Variants in DENND1A observed in about 807,000 individuals in gnomAD.
DENND1A encodes the protein DENN domain-containing protein 1A.
In DENND1A, 51 loss-of-function variants were observed where a neutral mutation model predicts 113.7. The ratio of observed to expected loss-of-function variants is 0.45; its 90% confidence interval spans 0.36 to 0.57. The LOEUF is 0.57. DENND1A is among the 20% of genes least tolerant of loss of function. DENND1A has a pLI of 0.00. For missense variants in DENND1A, 1,258 were observed against 1,395.9 expected (o/e 0.90, Z 1.57); for synonymous variants, 565 against 570.8 (o/e 0.99, Z 0.14).
chr9:123,818,348 C>T (rs895221273), intron 2 of DENND1A, among the ~76,000 whole-genome samples: 2 of 152,048 alleles, frequency 1.3e-5, no homozygotes, highest in Non-Finnish European at 2.9e-5. Flanking sequence ...TTATGATCCG[C>T]CCGCCTAGGC....
At chr9:123,723,146 T>G (rs2067459383) in intron 5 of DENND1A, among the ~76,000 whole-genome samples, 1 of 152,232 alleles carries the variant, frequency 6.6e-6, no homozygotes. Context: ...TTTGGAACTT[T>G]AGGATTTGAC....
At chr9:123,393,431 G>C (rs1057345035) in intron 21 of DENND1A, among the ~76,000 whole-genome samples, 3 of 152,014 alleles carry the variant, frequency 2.0e-5, no homozygotes, top group African/African-American at 7.3e-5. Flanking sequence ...CACAGCAAAG[G>C]AATCTCTGAA....
intron 1 of DENND1A, among the ~76,000 whole-genome samples, chr9:123,887,264 G>A (rs1470883984): frequency 6.6e-6 from 1 of 152,140 alleles, no homozygotes; most frequent in Non-Finnish European, 1.5e-5. Flanking sequence ...TGAGGTAGAC[G>A]TTCATGCTGG....
At chr9:123,699,368 AT>A (rs1166196254) in intron 5 of DENND1A, among the ~76,000 whole-genome samples, 2 of 152,236 alleles carry the variant, frequency 1.3e-5, no homozygotes, top group African/African-American at 4.8e-5. Flanking sequence ...AAATTTAAAA[AT>A]ATATACATTT....
intron 4 of DENND1A, among the ~76,000 whole-genome samples, chr9:123,762,225 A>G (rs1361227611): frequency 1.3e-5 from 2 of 152,204 alleles, no homozygotes; most frequent in East Asian, 3.8e-4. Context: ...ATTTTTCACT[A>G]AGCTAGGGAG....
chr9:123,586,320 G>A (rs10986063), intron 11 of DENND1A, among the ~76,000 whole-genome samples: 9,353 of 152,220 alleles, frequency 0.061, 417 homozygotes, highest in African/African-American at 0.11. Flanking sequence ...TTGGGCCCCA[G>A]TGGCACAGAC....
intron 4 of DENND1A, 120 bp from the exon 5 acceptor site, chr9:123,757,942 T>G: frequency 1.6e-6 from 2 of 1,266,442 alleles, no homozygotes; most frequent in Non-Finnish European, 2.1e-6. Flanking sequence ...CTCTTAAAAT[T>G]TACACATTTC....
chr9:123,928,318 G>A (rs1857443195), intron 1 of DENND1A, among the ~76,000 whole-genome samples: 1 of 152,180 alleles, frequency 6.6e-6, no homozygotes, highest in Non-Finnish European at 1.5e-5. Context: ...GAACTTTTCT[G>A]TAACAAGAAG....
At chr9:123,835,661 A>G (rs78092749) in intron 2 of DENND1A, among the ~76,000 whole-genome samples, 6 of 126,012 alleles carry the variant, frequency 4.8e-5, no homozygotes, top group African/African-American at 1.8e-4. Context: ...GATTTCCAGG[A>G]AAAAAAAAAA....
chr9:123,450,340 G>C (rs1341109686), intron 18 of DENND1A, among the ~76,000 whole-genome samples: 1 of 152,206 alleles, frequency 6.6e-6, no homozygotes, highest in East Asian at 1.9e-4. Flanking sequence ...ACCGGCCCTG[G>C]GGCAGAGGTC....
At chr9:123,883,893 A>C (rs1418548787) in intron 1 of DENND1A, among the ~76,000 whole-genome samples, 1 of 151,944 alleles carries the variant, frequency 6.6e-6, no homozygotes, top group Non-Finnish European at 1.5e-5. Flanking sequence ...AAAAGAGCTA[A>C]AATGCTAAGA....
At chr9:123,681,947 C>T (rs904864865) in intron 5 of DENND1A, among the ~76,000 whole-genome samples, 1 of 151,262 alleles carries the variant, frequency 6.6e-6, no homozygotes, top group Non-Finnish European at 1.5e-5. Context: ...CAGTGCTCAA[C>T]ACATGATCAG....
chr9:123,788,852 C>T (rs892610005), intron 3 of DENND1A, among the ~76,000 whole-genome samples: 2 of 151,982 alleles, frequency 1.3e-5, no homozygotes, highest in Admixed American at 6.6e-5. Context: ...CCTAAAAAGA[C>T]ATTTTAGACT....
At chr9:123,849,793 A>G (rs1454399031) in intron 2 of DENND1A, among the ~76,000 whole-genome samples, 1 of 152,232 alleles carries the variant, frequency 6.6e-6, no homozygotes, top group African/African-American at 2.4e-5. Flanking sequence ...TCAAAATACC[A>G]ACATTAACAA....
At chr9:123,407,054 C>G (rs890759535) in intron 20 of DENND1A, among the ~76,000 whole-genome samples, 2 of 151,568 alleles carry the variant, frequency 1.3e-5, no homozygotes, top group African/African-American at 2.4e-5. Context: ...GTCAGAGTGC[C>G]GCTGAATGGC....
intron 5 of DENND1A, among the ~76,000 whole-genome samples, chr9:123,738,608 T>C (rs988824736): frequency 2.0e-5 from 3 of 152,226 alleles, no homozygotes; most frequent in Non-Finnish European, 4.4e-5. Context: ...GGCACTCTGA[T>C]GGAACAAGCC....
In DENND1A at chr9:123,558,174, G is replaced by A. The variant is rs148807740; in HGVS notation, c.868-479C>T. ...ACAATCCGGTGAGGAAGGGATTAATGTTCCCATCTTACAAGGGTAAAACAG... is the reference window on the plus strand; with the variant it reads ...ACAATCCGGTGAGGAAGGGATTAATATTCCCATCTTACAAGGGTAAAACAG... On this transcript the variant is annotated intron_variant, in intron 12 of 23. Coordinates refer to ENST00000394215, the MANE Select transcript of DENND1A (RefSeq NM_001352964.2). Among the ~76,000 whole-genome samples the A allele has an allele frequency of 3.6e-3, 550 of 152,300 alleles. 1 individual carries two copies. The highest frequency in any genetic ancestry group is 0.013 in the African/African-American group (527 of 41,556).
intron 2 of DENND1A, among the ~76,000 whole-genome samples, chr9:123,871,987 TG>T (rs1482394846): frequency 2.0e-5 from 3 of 152,180 alleles, no homozygotes; most frequent in South Asian, 4.1e-4. Context: ...CATCTGATCA[TG>T]GGACCTTGCA....
At position 123,385,749 on chromosome 9, in the gene DENND1A, A is replaced by G. The variant is rs1439322751; in HGVS notation, c.1761-1836T>C. On this transcript the variant is annotated intron_variant, in intron 22 of 23. Transcript: ENST00000394215. ...GAGGAATGAAGCTCAGAGATGTTAAATAACTCACCTATGTCACACAGCACC... is the reference window on the plus strand; with the variant it reads ...GAGGAATGAAGCTCAGAGATGTTAAGTAACTCACCTATGTCACACAGCACC... Among the ~76,000 whole-genome samples the G allele has an allele frequency of 2.0e-5, 3 of 152,324 alleles. No homozygotes were observed. In the East Asian group the frequency reaches 5.8e-4, roughly 29 times the overall value.
Sources: gnomAD v4.1 joint callset for allele counts (sites outside exome capture counted in the v4.1 genomes callset) on GRCh38, gnomAD v4.1.1 for gene constraint, MANE v1.5 for transcripts, NCBI Gene and HGNC (gene_info 2026-07-23, HGNC 2026-07-21) for gene names.